The following CSMD1 variants were observed in gnomAD, a reference collection of about 807,000 sequenced individuals.
CSMD1 encodes CUB and sushi domain-containing protein 1.
A neutral mutation model predicts 417.5 loss-of-function variants in CSMD1; 213 were observed. The observed-to-expected ratio is 0.51, with a 90% CI of 0.46 to 0.57. The LOEUF (loss-of-function observed/expected upper bound fraction) is 0.57, where lower values mean the gene tolerates loss of function less well. Among genes scored for constraint, CSMD1 ranks in the 20% least tolerant of loss-of-function variants. CSMD1 has a pLI of 0.00. For missense variants in CSMD1, 6,923 were observed against 4,529.7 expected (o/e 1.53, Z -15.17); for synonymous variants, 2,862 against 1,736.8 (o/e 1.65, Z -16.11).
intron 12 of CSMD1, among the ~76,000 whole-genome samples, chr8:3,432,595 A>T (rs532600493): frequency 1.4e-5 from 2 of 141,758 alleles, no homozygotes; most frequent in Non-Finnish European, 1.5e-5. Context: ...CTGCAACCTC[A>T]ACTTCTGCCT....
intron 3 of CSMD1, among the ~76,000 whole-genome samples, chr8:4,056,513 G>T (rs191842489): frequency 5.3e-5 from 8 of 151,060 alleles, no homozygotes; most frequent in African/African-American, 1.2e-4. Flanking sequence ...GGGCTACTAA[G>T]GAAAGCATTT....
At chr8:3,652,812 G>C (rs966253963) in intron 7 of CSMD1, among the ~76,000 whole-genome samples, 3 of 152,120 alleles carry the variant, frequency 2.0e-5, no homozygotes, top group African/African-American at 7.2e-5. Context: ...TAAAGTCCTG[G>C]GGGCAAGACT....
chr8:3,255,398 T>A (rs534900709), intron 26 of CSMD1, among the ~76,000 whole-genome samples: 34 of 152,316 alleles, frequency 2.2e-4, no homozygotes, highest in African/African-American at 7.9e-4. Flanking sequence ...TGTAAAGCTG[T>A]CAGACAGGGA....
intron 2 of CSMD1, among the ~76,000 whole-genome samples, chr8:4,468,377 G>T (rs879516186): frequency 1.3e-5 from 2 of 152,174 alleles, no homozygotes; most frequent in Admixed American, 6.5e-5. Context: ...TTAATAAAGA[G>T]GATAATATTT....
rs1453452145 is a variant in CSMD1 at position 3,118,203 on chromosome 8, G to A, written c.6430+196C>T. Among the ~76,000 whole-genome samples, 3 of 152,128 alleles carry A rather than the reference G, an allele frequency of 2.0e-5. No individual in the cohort carries two copies. The East Asian group carries it at 5.8e-4, about 29-fold the overall frequency. ...TCCTTATAATTTCCTTGGCAACAAG[G>A]ATTGTTTCTTTACTTCTAACTTAAC... On this transcript the variant is annotated intron_variant, in intron 42 of 69. Transcript: ENST00000635120.
intron 3 of CSMD1, among the ~76,000 whole-genome samples, chr8:4,185,546 T>G (rs1354361563): frequency 1.3e-5 from 2 of 152,166 alleles, no homozygotes. Context: ...AAACATGCGC[T>G]AATTTTTTAA....
At chr8:4,118,199 T>A (rs1421911412) in intron 3 of CSMD1, among the ~76,000 whole-genome samples, 1 of 152,092 alleles carries the variant, frequency 6.6e-6, no homozygotes, top group Non-Finnish European at 1.5e-5. Flanking sequence ...CAAATAGCTA[T>A]TAATATTAAA....
At chr8:4,907,534 T>A (rs201937984) in intron 1 of CSMD1, among the ~76,000 whole-genome samples, 2 of 130,630 alleles carry the variant, frequency 1.5e-5, no homozygotes, top group Non-Finnish European at 3.3e-5. Context: ...ATTTAAATTA[T>A]TTTTGGTTTG....
intron 3 of CSMD1, among the ~76,000 whole-genome samples, chr8:4,168,688 T>C (rs1215228507): frequency 2.6e-5 from 4 of 152,288 alleles, no homozygotes; most frequent in East Asian, 1.9e-4. Context: ...AAAATGCTGT[T>C]ATTAATTCTT....
intron 11 of CSMD1, among the ~76,000 whole-genome samples, chr8:3,473,416 A>G (rs187159161): frequency 3.4e-4 from 52 of 152,316 alleles, no homozygotes; most frequent in Non-Finnish European, 6.6e-4. Flanking sequence ...AATTTCATAC[A>G]GTAAAAGCAC....
chr8:3,770,593 T>G (rs1271932914), intron 5 of CSMD1, among the ~76,000 whole-genome samples: 1 of 152,128 alleles, frequency 6.6e-6, no homozygotes, highest in Non-Finnish European at 1.5e-5. Context: ...CTGTCGCACA[T>G]GCAGAACGGC....
chr8:3,683,940 T>G (rs1397392883), intron 7 of CSMD1, among the ~76,000 whole-genome samples: 1 of 151,872 alleles, frequency 6.6e-6, no homozygotes, highest in Non-Finnish European at 1.5e-5. Flanking sequence ...TTTAGCAAAT[T>G]TAGGACAATG....
chr8:3,110,079 G>A, intron 43 of CSMD1, 79 bp downstream of exon 43: 8 of 1,167,294 alleles, frequency 6.9e-6, no homozygotes, highest in Non-Finnish European at 8.3e-6. Flanking sequence ...TATGTGCCTT[G>A]TATATAAGTG....
intron 2 of CSMD1, among the ~76,000 whole-genome samples, chr8:4,593,355 T>A (rs1434664160): frequency 6.6e-6 from 1 of 152,192 alleles, no homozygotes; most frequent in Non-Finnish European, 1.5e-5. Context: ...TCCTTGTTAT[T>A]GTCATGATAA....
chr8:3,371,882 T>C (rs1809975571), intron 18 of CSMD1, among the ~76,000 whole-genome samples: 1 of 152,244 alleles, frequency 6.6e-6, no homozygotes, highest in Admixed American at 6.5e-5. Flanking sequence ...GTGAAAGAAG[T>C]AACATTATAC....
chr8:4,072,144 T>G (rs1043682129), intron 3 of CSMD1, among the ~76,000 whole-genome samples: 1 of 152,236 alleles, frequency 6.6e-6, no homozygotes, highest in African/African-American at 2.4e-5. Context: ...GGAATCTGCC[T>G]GTTTCTTTTC....
intron 3 of CSMD1, among the ~76,000 whole-genome samples, chr8:4,162,225 A>G (rs1797215436): frequency 6.6e-6 from 1 of 152,176 alleles, no homozygotes; most frequent in Non-Finnish European, 1.5e-5. Flanking sequence ...TTGTTATGTT[A>G]CCAGTATTCA....
chr8:3,191,262 C>G (rs542751344), intron 33 of CSMD1, among the ~76,000 whole-genome samples: 2 of 152,182 alleles, frequency 1.3e-5, no homozygotes, highest in East Asian at 3.9e-4. Flanking sequence ...CGTTTATCAG[C>G]CTGGCCAACA....
At chr8:4,711,628 G>A (rs1266522744) in intron 1 of CSMD1, among the ~76,000 whole-genome samples, 1 of 151,368 alleles carries the variant, frequency 6.6e-6, no homozygotes, top group Non-Finnish European at 1.5e-5. Flanking sequence ...AATTATTTTT[G>A]CAGTCGGAAA....
Sources: allele counts gnomAD v4.1 joint callset (sites outside exome capture counted in the v4.1 genomes callset), GRCh38; gene constraint gnomAD v4.1.1; transcripts MANE v1.5; gene names NCBI Gene and HGNC (gene_info 2026-07-23, HGNC 2026-07-21).